Variants in DENND5B observed in about 807,000 individuals in gnomAD.
DENND5B encodes the protein DENN domain-containing protein 5B.
DENND5B carries 34 observed loss-of-function variants against 140.6 expected under a neutral mutation model. The ratio of observed to expected loss-of-function variants is 0.24; its 90% CI spans 0.18 to 0.32. The LOEUF is 0.32. Ranked by LOEUF, DENND5B falls within the 10% of genes least tolerant of loss-of-function variation. The probability of loss-of-function intolerance (pLI) is 1.00; values close to 1 mark genes in which losing one functional copy is unlikely to be tolerated. For missense variants in DENND5B, 1,142 were observed against 1,560.2 expected (o/e 0.73, Z 4.52); for synonymous variants, 551 against 562.1 (o/e 0.98, Z 0.28).
At chr12:31,519,603 C>T (rs569037392) in intron 1 of DENND5B, among the ~76,000 whole-genome samples, 2 of 152,274 alleles carry the variant, frequency 1.3e-5, no homozygotes, top group Non-Finnish European at 2.9e-5. Flanking sequence ...TTAGGCTTCC[C>T]TAAATGCCAC....
In DENND5B at chr12:31,514,560, A is replaced by T. The variant is rs149227736; in HGVS notation, c.128-18641T>A. Among the ~76,000 whole-genome samples the T allele has an allele frequency of 2.4e-3, 358 of 152,332 alleles. 1 individual carries two copies. The highest frequency in any genetic ancestry group is 8.1e-3 in the African/African-American group (335 of 41,574). ...GCTGGGCATAGTGGCTCACGCCTGT[A>T]ATCACAACACTGTGGGAGGCCAAGG... On this transcript the variant is annotated intron_variant, in intron 1 of 20. Coordinates refer to ENST00000389082, the MANE Select transcript of DENND5B (RefSeq NM_144973.4).
intron 1 of DENND5B, chr12:31,590,115 A>G (rs1464972772): frequency 6.6e-6 from 1 of 152,356 alleles, no homozygotes; most frequent in East Asian, 1.9e-4. Flanking sequence ...ACAGGATTCC[A>G]AAAGGTGACT....
chr12:31,524,036 G>A (rs1947997356), intron 1 of DENND5B, among the ~76,000 whole-genome samples: 1 of 142,654 alleles, frequency 7.0e-6, no homozygotes, highest in South Asian at 2.2e-4. Flanking sequence ...GAAAACTACT[G>A]AGCCCTTTTT....
At chr12:31,535,168 T>C (rs565437381) in intron 1 of DENND5B, 4 of 342,750 alleles carry the variant, frequency 1.2e-5, no homozygotes, top group East Asian at 8.6e-5. Flanking sequence ...CTGGTACCAC[T>C]TGCAAGTACT....
intron 20 of DENND5B, among the ~76,000 whole-genome samples, chr12:31,388,426 T>A (rs1459522682): frequency 1.3e-5 from 2 of 152,120 alleles, no homozygotes; most frequent in Non-Finnish European, 2.9e-5. Flanking sequence ...TGGGCTCCTT[T>A]TATGAAGAAG....
chr12:31,437,266 C>T (rs1943816996), intron 7 of DENND5B, among the ~76,000 whole-genome samples: 1 of 152,052 alleles, frequency 6.6e-6, no homozygotes, highest in Non-Finnish European at 1.5e-5. Flanking sequence ...CCTCAGCCTC[C>T]CGAGTAGCTG....
intron 1 of DENND5B, among the ~76,000 whole-genome samples, chr12:31,531,192 C>CT (rs57219180): frequency 6.2e-4 from 91 of 147,734 alleles, no homozygotes; most frequent in Middle Eastern, 7.1e-3. Context: ...TTAGAACTAA[C>CT]TTTTTTTTTT....
At chr12:31,415,499 A>G (rs947605030) in intron 11 of DENND5B, 51 bp from the exon 12 acceptor site, 6 of 1,389,688 alleles carry the variant, frequency 4.3e-6, no homozygotes, top group Non-Finnish European at 6.0e-6. Context: ...AAAAATATAC[A>G]TGGTTCATAT....
At chr12:31,543,290 A>G (rs1216200298) in intron 1 of DENND5B, among the ~76,000 whole-genome samples, 1 of 152,236 alleles carries the variant, frequency 6.6e-6, no homozygotes, top group Non-Finnish European at 1.5e-5. Flanking sequence ...TTGTAACAGA[A>G]AATGTTAGGA....
chr12:31,491,270 T>C (rs528920107), intron 2 of DENND5B, among the ~76,000 whole-genome samples: 2 of 152,138 alleles, frequency 1.3e-5, no homozygotes, highest in South Asian at 2.1e-4. Context: ...CTGGCCAACA[T>C]AGGGAGACCC....
At chr12:31,508,189 T>C (rs1290302231) in intron 1 of DENND5B, among the ~76,000 whole-genome samples, 1 of 152,148 alleles carries the variant, frequency 6.6e-6, no homozygotes, top group Non-Finnish European at 1.5e-5. Context: ...CAAACAAACT[T>C]TCCTGCTGCA....
chr12:31,417,607 A>G (rs994390026), intron 11 of DENND5B, among the ~76,000 whole-genome samples: 1 of 152,118 alleles, frequency 6.6e-6, no homozygotes, highest in African/African-American at 2.4e-5. Context: ...ACACCTGGCT[A>G]ATTTTTGTAT....
chr12:31,512,377 CCTGG>C (rs1216740200), intron 1 of DENND5B, among the ~76,000 whole-genome samples: 3 of 129,838 alleles, frequency 2.3e-5, no homozygotes, highest in African/African-American at 9.0e-5. Flanking sequence ...CCACCACACC[CCTGG>C]CTAATTTTTT....
At chr12:31,583,720 CAAG>C (rs1950292716) in intron 1 of DENND5B, among the ~76,000 whole-genome samples, 1 of 151,674 alleles carries the variant, frequency 6.6e-6, no homozygotes, top group Non-Finnish European at 1.5e-5. Flanking sequence ...ACAACAACAA[CAAG>C]AATTTAGCAC....
rs145894157 is a variant in DENND5B at position 31,573,599 on chromosome 12, G to C, written c.127+17107C>G. On this transcript the variant is annotated intron_variant, in intron 1 of 20. Transcript: ENST00000389082. ...TCCAGGGAAAAGTGAATGTAATTTC[G>C]TTCAATATTCATTAAGTAGGCTCAA... 1.7e-3 allele frequency among the ~76,000 whole-genome samples: 252 copies of C among 152,240 alleles called. 3 individuals are homozygous for C. Among genetic ancestry groups the C allele is most frequent in the African/African-American group, 5.9e-3 (243 of 41,510 alleles).
At chr12:31,473,678 T>C (rs1045096259) in intron 3 of DENND5B, among the ~76,000 whole-genome samples, 1 of 152,180 alleles carries the variant, frequency 6.6e-6, no homozygotes, top group Non-Finnish European at 1.5e-5. Context: ...CTATTGGATA[T>C]TGATTTAAAG....
At chr12:31,422,967 G>C (rs1943092889) in intron 11 of DENND5B, among the ~76,000 whole-genome samples, 1 of 146,762 alleles carries the variant, frequency 6.8e-6, no homozygotes, top group African/African-American at 2.5e-5. Context: ...TTGAGATGGA[G>C]TCTTGCTCTG....
intron 1 of DENND5B, among the ~76,000 whole-genome samples, chr12:31,548,366 C>G (rs1311853953): frequency 6.8e-6 from 1 of 147,024 alleles, no homozygotes; most frequent in Admixed American, 6.8e-5. Flanking sequence ...TGCACAGCAG[C>G]TTAGGCAACA....
In DENND5B at chr12:31,393,560, C is replaced by T. The variant is rs191622280; in HGVS notation, c.3257-864G>A. Among the ~76,000 whole-genome samples the T allele has an allele frequency of 1.6e-3, 248 of 152,276 alleles. 2 individuals are homozygous for T. The highest frequency in any genetic ancestry group is 5.7e-3 in the African/African-American group (238 of 41,544). The stretch of plus-strand genomic sequence containing the variant: ...TAAACATTTCAGAAGTAGGTAACAA[C>T]AGAAAAGGTATATAGTTCAGATTTT... On this transcript the variant is annotated intron_variant, in intron 17 of 20. Transcript: ENST00000389082.
Sources: allele counts gnomAD v4.1 joint callset (sites outside exome capture counted in the v4.1 genomes callset), GRCh38; gene constraint gnomAD v4.1.1; transcripts MANE v1.5; gene names NCBI Gene and HGNC (gene_info 2026-07-23, HGNC 2026-07-21).